SIN3A: variants seen among roughly 807,000 people sequenced by gnomAD.
The protein encoded by SIN3A is SIN3 transcription regulator family member A.
A neutral mutation model predicts 146.1 loss-of-function variants in SIN3A; 14 were observed. The observed-to-expected ratio is 0.10, with a 90% confidence interval of 0.06 to 0.15. The LOEUF (loss-of-function observed/expected upper bound fraction) is 0.15, where lower values mean the gene tolerates loss of function less well. SIN3A is among the 10% of genes least tolerant of loss of function. The pLI is 1.00. For synonymous variants in SIN3A, 572 were observed against 572.0 expected (o/e 1.00, Z 0.00); for missense variants, 1,028 against 1,576.0 (o/e 0.65, Z 5.89).
upstream of SIN3A, chr15:75,455,142 C>G (rs1039470926): frequency 2.0e-5 from 3 of 151,986 alleles, no homozygotes; most frequent in Non-Finnish European, 2.9e-5. Context: ...AGCGCGCCCA[C>G]CGCCCCCTCC....
chr15:75,417,000 G>T (rs2073749997), intron 3 of SIN3A, among the ~76,000 whole-genome samples: 1 of 151,052 alleles, frequency 6.6e-6, no homozygotes, highest in Non-Finnish European at 1.5e-5. Context: ...CCTGTTCAGA[G>T]CATCAAATGA....
At chr15:75,444,599 T>C (rs2141623559) in intron 1 of SIN3A, among the ~76,000 whole-genome samples, 1 of 150,910 alleles carries the variant, frequency 6.6e-6, no homozygotes, top group Admixed American at 6.6e-5. Context: ...CCAGGTGCAG[T>C]GGCTCAGGCC....
At chr15:75,373,088 CCACCAA>C (rs2072783958) in intron 20 of SIN3A, among the ~76,000 whole-genome samples, 1 of 152,064 alleles carries the variant, frequency 6.6e-6, no homozygotes, top group African/African-American at 2.4e-5. Context: ...GGTTCTGTTC[CCACCAA>C]CACATTCAAT....
At chr15:75,387,585 G>A (rs1454456113) in intron 16 of SIN3A, among the ~76,000 whole-genome samples, 1 of 150,488 alleles carries the variant, frequency 6.6e-6, no homozygotes, top group Admixed American at 6.6e-5. Flanking sequence ...AAAAGCGGGG[G>A]GTGGGTGGAG....
chr15:75,404,440 A>G (rs899320065), intron 9 of SIN3A, among the ~76,000 whole-genome samples: 2 of 152,212 alleles, frequency 1.3e-5, no homozygotes, highest in African/African-American at 4.8e-5. Flanking sequence ...GATATAGTAT[A>G]TATGTTTAAG....
chr15:75,387,246 T>C (rs1010229277), intron 16 of SIN3A, among the ~76,000 whole-genome samples: 7 of 152,140 alleles, frequency 4.6e-5, no homozygotes, highest in Non-Finnish European at 8.8e-5. Context: ...CACTGTAGGC[T>C]GGGCACAGTG....
At chr15:75,383,531 CTTTT>C (rs374790673) in intron 17 of SIN3A, among the ~76,000 whole-genome samples, 2 of 138,418 alleles carry the variant, frequency 1.4e-5, no homozygotes, top group Admixed American at 7.3e-5. Flanking sequence ...TCAAGCAATC[CTTTT>C]TTTTTTTTTT....
chr15:75,403,296 G>C (rs1334538988), intron 9 of SIN3A, among the ~76,000 whole-genome samples: 1 of 151,650 alleles, frequency 6.6e-6, no homozygotes, highest in East Asian at 2.0e-4. Context: ...TAGGCGTGGT[G>C]GTGGGCACCT....
chr15:75,444,018 T>C (rs1419784050), intron 1 of SIN3A, among the ~76,000 whole-genome samples: 1 of 152,170 alleles, frequency 6.6e-6, no homozygotes, highest in East Asian at 1.9e-4. Context: ...TTAGCATATT[T>C]GAGAATTGAT....
intron 18 of SIN3A, chr15:75,380,965 T>C (rs1319859459): frequency 5.7e-6 from 2 of 350,218 alleles, no homozygotes; most frequent in African/African-American, 4.0e-5. Context: ...CATAAACAGG[T>C]AGAAGCTGGC....
Position 75,451,625 on chromosome 15 carries a change from G to C in SIN3A, c.-236C>G, listed in dbSNP as rs915756164. On this transcript the variant is annotated 5_prime_UTR_variant, in exon 1 of 21. Transcript: ENST00000394947. ...GGGAGGGAGGGAAACTCCGAGGGGG[G>C]AAGGGGAGGGGGGAAGATGGAGAAA... is the stretch of plus-strand genomic sequence containing the variant. 6.8e-6 allele frequency: 1 copy of C among 147,378 alleles called. No homozygotes were observed. Among genetic ancestry groups the C allele is most frequent in the Non-Finnish European group, 1.5e-5 (1 of 66,782 alleles). 9.1% of individuals were successfully genotyped at this position (147,378 alleles called of 1,614,324 possible). A position where few individuals can be genotyped will look rare whatever the true frequency, so the allele number is the denominator to read the frequency against.
intron 1 of SIN3A, among the ~76,000 whole-genome samples, chr15:75,435,132 CTA>C (rs2074084387): frequency 6.6e-6 from 1 of 151,710 alleles, no homozygotes; most frequent in Admixed American, 6.6e-5. Context: ...TTATGGAAAA[CTA>C]TGTAAGAATC....
At chr15:75,373,765 A>G (rs551896533) in intron 20 of SIN3A, among the ~76,000 whole-genome samples, 25 of 152,014 alleles carry the variant, frequency 1.6e-4, no homozygotes, top group East Asian at 3.9e-4. Context: ...AAAAAAAAAA[A>G]AAAGAAAGAA....
intron 12 of SIN3A, among the ~76,000 whole-genome samples, chr15:75,398,491 C>G (rs555846266): frequency 6.6e-6 from 1 of 151,010 alleles, no homozygotes. Context: ...GCCTGGTCAA[C>G]ATGGTGAAAC....
In SIN3A at chr15:75,372,138, A is replaced by G; in HGVS notation, c.3663T>C (p.His1221=). 6.2e-7 allele frequency: 1 copy of G among 1,614,152 alleles called. No homozygotes were observed. The highest frequency in any genetic ancestry group is 2.2e-5 in the East Asian group (1 of 44,884). ...TCTCTGCTGCCATTTCACGGGGCAC[A>G]TGCTCCTTGGTCCATTTATCTACCC... The part of the protein sequence containing the change: ...QAWVDKWTKE[H]VPREMAAETS... Residue 1221 remains histidine, a synonymous_variant, in exon 21 of 21, where the codon CAT becomes CAC. Transcript: ENST00000394947.
chr15:75,387,152 G>T (rs2073100718), intron 16 of SIN3A, among the ~76,000 whole-genome samples: 1 of 152,304 alleles, frequency 6.6e-6, no homozygotes, highest in South Asian at 2.1e-4. Context: ...AGTGGAATCT[G>T]AGGGAACACC....
At chr15:75,447,220 A>C (rs2074323128) in intron 1 of SIN3A, among the ~76,000 whole-genome samples, 1 of 152,258 alleles carries the variant, frequency 6.6e-6, no homozygotes, top group South Asian at 2.1e-4. Context: ...TAAGAGCCGC[A>C]GTAACAAAAC....
chr15:75,449,844 C>A (rs1396050822), intron 1 of SIN3A, among the ~76,000 whole-genome samples: 3 of 152,180 alleles, frequency 2.0e-5, no homozygotes, highest in African/African-American at 7.2e-5. Flanking sequence ...GCAATGGCAC[C>A]ATCTCGGCTC....
chr15:75,416,384 G>T (rs956730261), intron 3 of SIN3A, among the ~76,000 whole-genome samples: 21 of 152,202 alleles, frequency 1.4e-4, no homozygotes, highest in Non-Finnish European at 5.9e-5. Flanking sequence ...GGAGTGCAGT[G>T]GTGCGATCTT....
Sources: allele counts gnomAD v4.1 joint callset (sites outside exome capture counted in the v4.1 genomes callset), GRCh38; gene constraint gnomAD v4.1.1; transcripts MANE v1.5; gene names NCBI Gene and HGNC (gene_info 2026-07-23, HGNC 2026-07-21).